The following WDR7 variants were observed in gnomAD, a reference collection of about 807,000 sequenced individuals.
WDR7 encodes WD repeat-containing protein 7.
A neutral mutation model predicts 169.4 loss-of-function variants in WDR7; 46 were observed. The observed-to-expected ratio is 0.27, with a 90% CI of 0.21 to 0.35. WDR7 has a LOEUF of 0.35. Among genes scored for constraint, WDR7 ranks in the 10% least tolerant of loss-of-function variants. The pLI is 1.00. For missense variants in WDR7, 1,534 were observed against 1,859.3 expected (o/e 0.83, Z 3.22); for synonymous variants, 612 against 666.8 (o/e 0.92, Z 1.27).
At chr18:56,824,226 C>T (rs1452316866) in intron 20 of WDR7, among the ~76,000 whole-genome samples, 2 of 152,210 alleles carry the variant, frequency 1.3e-5, no homozygotes, top group Non-Finnish European at 2.9e-5. Flanking sequence ...GAATTCCCCT[C>T]AAATTCAGCT....
chr18:57,007,160 T>C (rs1308607055), intron 26 of WDR7, among the ~76,000 whole-genome samples: 1 of 152,148 alleles, frequency 6.6e-6, no homozygotes, highest in African/African-American at 2.4e-5. Flanking sequence ...TTTGTATTTT[T>C]AGTAGAGACG....
intron 21 of WDR7, among the ~76,000 whole-genome samples, chr18:56,902,043 A>C (rs1329931303): frequency 1.3e-5 from 2 of 152,158 alleles, no homozygotes; most frequent in African/African-American, 4.8e-5. Context: ...GCTCATTTAA[A>C]ATTCTACTTT....
intron 12 of WDR7, among the ~76,000 whole-genome samples, chr18:56,714,588 A>G (rs1036999691): frequency 6.6e-6 from 1 of 150,662 alleles, no homozygotes; most frequent in Non-Finnish European, 1.5e-5. Context: ...ACTGTTTTGT[A>G]TTTTTAGTAG....
At chr18:56,823,514 A>G (rs1412499845) in intron 20 of WDR7, among the ~76,000 whole-genome samples, 1 of 152,170 alleles carries the variant, frequency 6.6e-6, no homozygotes, top group African/African-American at 2.4e-5. Context: ...TGAACCCAGG[A>G]GGCGGAGGTT....
chr18:56,928,645 G>A (rs1003754069), intron 22 of WDR7, among the ~76,000 whole-genome samples: 17 of 152,284 alleles, frequency 1.1e-4, no homozygotes, highest in South Asian at 6.2e-4. Context: ...GGCCTGGGAT[G>A]CAGTCCTTCT....
At chr18:56,700,359 T>G (rs980605653) in intron 12 of WDR7, among the ~76,000 whole-genome samples, 15 of 135,648 alleles carry the variant, frequency 1.1e-4, no homozygotes, top group Non-Finnish European at 2.0e-4. Context: ...CGGGTTCAAG[T>G]GATTCTCCTG....
intron 1 of WDR7, among the ~76,000 whole-genome samples, chr18:56,654,887 G>A (rs1456563312): frequency 6.6e-6 from 1 of 152,058 alleles, no homozygotes; most frequent in Non-Finnish European, 1.5e-5. Flanking sequence ...CATGTACTGT[G>A]CCAGTTTTCC....
At chr18:57,032,821 A>T (rs1282318526), downstream of WDR7, 1 of 95,006 alleles carries the variant, frequency 1.1e-5, no homozygotes, top group African/African-American at 6.8e-5. Flanking sequence ...ATATATATAT[A>T]TATATATATA....
intron 20 of WDR7, among the ~76,000 whole-genome samples, chr18:56,821,503 C>T (rs879825599): frequency 4.6e-5 from 7 of 152,144 alleles, no homozygotes; most frequent in Non-Finnish European, 1.0e-4. Context: ...GCCTCACATT[C>T]TCAAAGTAAC....
intron 16 of WDR7, among the ~76,000 whole-genome samples, chr18:56,766,901 C>T (rs2044077082): frequency 6.6e-6 from 1 of 152,320 alleles, no homozygotes; most frequent in African/African-American, 2.4e-5. Context: ...TCCTTGTGGA[C>T]TGTGCTTTCC....
At chr18:56,943,555 T>G (rs183751261) in intron 25 of WDR7, among the ~76,000 whole-genome samples, 3 of 152,208 alleles carry the variant, frequency 2.0e-5, no homozygotes, top group Non-Finnish European at 4.4e-5. Flanking sequence ...TCACACAATA[T>G]TATTTTTCCA....
intron 19 of WDR7, among the ~76,000 whole-genome samples, chr18:56,788,666 A>T (rs1353292779): frequency 6.6e-6 from 1 of 152,084 alleles, no homozygotes; most frequent in East Asian, 1.9e-4. Context: ...GAGTATTCTA[A>T]TTGGTGAAAG....
intron 21 of WDR7, among the ~76,000 whole-genome samples, chr18:56,903,057 G>A (rs910221819): frequency 1.3e-5 from 2 of 152,100 alleles, no homozygotes; most frequent in Admixed American, 1.3e-4. Context: ...TAAATATCAA[G>A]GTGATTGCCC....
chr18:56,670,932 TC>T (rs2025121561), intron 1 of WDR7, among the ~76,000 whole-genome samples: 1 of 152,214 alleles, frequency 6.6e-6, no homozygotes, highest in African/African-American at 2.4e-5. Flanking sequence ...CTTTGACTAT[TC>T]CAGTCTTCTT....
At chr18:56,761,174 A>G (rs2043975586) in intron 16 of WDR7, among the ~76,000 whole-genome samples, 2 of 151,856 alleles carry the variant, frequency 1.3e-5, no homozygotes, top group Admixed American at 6.5e-5. Context: ...CATCCTGACT[A>G]ATTTTTTCTA....
At chr18:57,018,508 C>T (rs76265880) in intron 26 of WDR7, among the ~76,000 whole-genome samples, 2,258 of 152,274 alleles carry the variant, frequency 0.015, 69 homozygotes, top group African/African-American at 0.052. Flanking sequence ...AAGTGCTCAC[C>T]ACCACTCAGC....
At chr18:56,662,097 G>A (rs2024915679) in intron 1 of WDR7, among the ~76,000 whole-genome samples, 1 of 152,188 alleles carries the variant, frequency 6.6e-6, no homozygotes, top group East Asian at 1.9e-4. Flanking sequence ...TTCCCCATCG[G>A]TAGGTGGGTA....
chr18:56,925,824 C>T (rs1420064613), intron 22 of WDR7, among the ~76,000 whole-genome samples: 2 of 152,194 alleles, frequency 1.3e-5, no homozygotes, highest in Non-Finnish European at 2.9e-5. Context: ...TACCTCCTAT[C>T]ATACTACCAT....
rs573688546 is a variant in WDR7 at position 56,717,864 on chromosome 18, C to A, written c.1579-100C>A. On this transcript the variant is annotated intron_variant, in intron 12 of 27. Transcript: ENST00000254442. ...TAATATTGTGGTGGTTTTTCAGTGGCAGCAAATGTATAATTAATTTTGCCT... is the reference window on the plus strand; with the variant it reads ...TAATATTGTGGTGGTTTTTCAGTGGAAGCAAATGTATAATTAATTTTGCCT... 3.7e-5 allele frequency: 44 copies of A among 1,174,602 alleles called. No individual in the cohort carries two copies. In the African/African-American group the frequency reaches 6.8e-4, roughly 18 times the overall value. 72.8% of individuals were successfully genotyped at this position (1,174,602 alleles called of 1,614,324 possible). A position where few individuals can be genotyped will look rare whatever the true frequency, so the allele number is the denominator to read the frequency against.
Sources: gnomAD v4.1 joint callset for allele counts (sites outside exome capture counted in the v4.1 genomes callset) on GRCh38, gnomAD v4.1.1 for gene constraint, MANE v1.5 for transcripts, NCBI Gene and HGNC (gene_info 2026-07-23, HGNC 2026-07-21) for gene names.